MFN1: variants seen among roughly 807,000 people sequenced by gnomAD.
MFN1 encodes mitofusin 1.
Under a neutral mutation model 92.4 loss-of-function variants are expected in MFN1, and 65 were observed. The ratio of observed to expected loss-of-function variants is 0.70; its 90% CI spans 0.58 to 0.86. The LOEUF (loss-of-function observed/expected upper bound fraction) is 0.86. MFN1 is among the 40% of genes least tolerant of loss of function. The pLI is 0.00. For missense variants in MFN1, 781 were observed against 868.0 expected, an observed-to-expected ratio of 0.90 and a Z score of 1.26; for synonymous variants, 297 against 300.9, an observed-to-expected ratio of 0.99 and a Z score of 0.13.
At chr3:179,348,824 T>C in intron 1 of MFN1, 21 bp from the exon 2 acceptor site, 1 of 1,605,474 alleles carries the variant, frequency 6.2e-7, no homozygotes, top group Non-Finnish European at 8.5e-7. Flanking sequence ...TTGGTGCTTT[T>C]CTAACTTTAT....
At chr3:179,348,808 C>G (rs1372239310) in intron 1 of MFN1, 37 bp from the exon 2 acceptor site, 2 of 1,599,560 alleles carry the variant, frequency 1.3e-6, no homozygotes, top group Admixed American at 1.7e-5. Flanking sequence ...CTATCATCCA[C>G]TTTAGTTGGT....
intron 1 of MFN1, 133 bp from the exon 2 acceptor site, chr3:179,348,712 A>C (rs1259630881): frequency 1.5e-6 from 2 of 1,364,352 alleles, no homozygotes; most frequent in African/African-American, 1.4e-5. Flanking sequence ...ACTCCCAAAA[A>C]AGAATTACCT....
intron 2 of MFN1, among the ~76,000 whole-genome samples, chr3:179,349,738 G>C (rs549940916): frequency 2.6e-3 from 400 of 152,094 alleles, no homozygotes; most frequent in Middle Eastern, 3.4e-3. Flanking sequence ...TCGAACTCCT[G>C]ACCCCATGAT....
intron 2 of MFN1, among the ~76,000 whole-genome samples, chr3:179,349,988 C>T (rs1353362518): frequency 1.3e-5 from 2 of 151,904 alleles, no homozygotes; most frequent in Non-Finnish European, 2.9e-5. Context: ...CCTGTCTGTA[C>T]TAAAAATACA....
At chr3:179,351,738 T>TG (rs2108522778) in intron 2 of MFN1, among the ~76,000 whole-genome samples, 162 bp from the exon 3 acceptor site, 1 of 152,344 alleles carries the variant, frequency 6.6e-6, no homozygotes, top group African/African-American at 2.4e-5. Flanking sequence ...GCGGGATTCT[T>TG]GTGACCCATT....
intron 5 of MFN1, among the ~76,000 whole-genome samples, chr3:179,363,851 G>A (rs1475840003): frequency 6.6e-6 from 1 of 152,004 alleles, no homozygotes; most frequent in Non-Finnish European, 1.5e-5. Flanking sequence ...TCATAAATAT[G>A]TATACTTAAT....
intron 14 of MFN1, among the ~76,000 whole-genome samples, chr3:179,381,193 A>C (rs966709685): frequency 1.3e-5 from 2 of 152,264 alleles, no homozygotes; most frequent in Non-Finnish European, 2.9e-5. Context: ...GCATGTATTC[A>C]TAACAGAACA....
chr3:179,367,658 C>T lies in MFN1; in HGVS notation c.907+66C>T. ...ATTTAAAATTGGCTGGGTGCGGTGG[C>T]TCACGCCTGTAATCCCAGCACTTTG... On this transcript the variant is annotated intron_variant, in intron 8 of 17. Coordinates refer to ENST00000471841, the MANE Select transcript of MFN1 (RefSeq NM_033540.3). 2.2e-6 allele frequency: 3 copies of T among 1,387,264 alleles called. No individual in the cohort carries two copies. The South Asian group carries it at 4.2e-5, about 20-fold the overall frequency. 85.9% of individuals were successfully genotyped at this position (1,387,264 alleles called of 1,614,324 possible). A position where few individuals can be genotyped will look rare whatever the true frequency, so the allele number is the denominator to read the frequency against.
intron 13 of MFN1, 56 bp from the exon 14 acceptor site, chr3:179,378,529 T>C: frequency 6.5e-7 from 1 of 1,536,568 alleles, no homozygotes; most frequent in Non-Finnish European, 8.9e-7. Flanking sequence ...GGCATTCCAT[T>C]GAAGGTAAAA....
rs1461933273 is a variant in MFN1, at chr3:179,391,982, A to G, written c.2149A>G (p.Asn717Asp). 8.2e-6 allele frequency: 13 copies of G among 1,590,518 alleles called. No individual in the cohort carries two copies. The highest frequency in any genetic ancestry group is 1.1e-5 in the Non-Finnish European group (13 of 1,159,942). ...KIQNNSKLLR[N>D]KAVQLENELE... ...TTGGTGTTTTATTTTTTTAATTAGA[A>G]ATAAAGCTGTTCAACTTGAAAATGA... is the stretch of plus-strand genomic sequence containing the variant. The change falls in exon 18 of 18, where the codon AAT (asparagine) becomes GAT (aspartate). Residue 717 changes from asparagine to aspartate, a missense_variant and splice_region_variant. Coordinates refer to ENST00000471841, the MANE Select transcript of MFN1 (RefSeq NM_033540.3).
rs562834967 is a variant in MFN1, at chr3:179,385,673, G to A, written c.1767G>A (p.Ala589=). The change falls in exon 15 of 18, where the codon GCG becomes GCA. Residue 589 remains alanine (A), a synonymous_variant. Coordinates refer to ENST00000471841, the MANE Select transcript of MFN1 (RefSeq NM_033540.3). The part of the protein sequence containing the change: ...ELMITLVTGL[A]SVTSRTSMGI... ...TGATTACATTAGTAACAGGATTGGC[G>A]TCCGTTACATCTAGAACTTCTATGG... is the stretch of plus-strand genomic sequence containing the variant. The A allele has an allele frequency of 2.0e-5, 33 of 1,613,772 alleles. No homozygotes were observed. The highest frequency in any genetic ancestry group is 6.6e-5 in the South Asian group (6 of 91,064).
Position 179,386,478 on chromosome 3 carries a change from ATGTATGGAGCTT to A in MFN1, c.1867_1878del (p.Gly623_Tyr626del). On this transcript the variant is annotated inframe_deletion, in exon 16 of 18. Coordinates refer to ENST00000471841, the MANE Select transcript of MFN1 (RefSeq NM_033540.3). Reference sequence around the variant, plus strand: ...GAAACTCCTATCTGTTTCATTAACTATGTATGGAGCTTTGTATCTTTATGAAAGACTGAGCTG... The same window carrying A: ...GAAACTCCTATCTGTTTCATTAACTATGTATCTTTATGAAAGACTGAGCTG... The A allele has an allele frequency of 6.2e-7, 1 of 1,613,780 alleles. No individual in the cohort carries two copies. Among genetic ancestry groups the A allele is most frequent in the Middle Eastern group, 1.7e-4 (1 of 6,054 alleles).
At chr3:179,381,961 C>T (rs144969186) in intron 14 of MFN1, among the ~76,000 whole-genome samples, 51 of 152,308 alleles carry the variant, frequency 3.3e-4, no homozygotes, top group African/African-American at 1.2e-3. Context: ...CTAAAGCTTT[C>T]GTCCAATACT....
In MFN1 at chr3:179,362,397, G is replaced by T. The variant is rs1057461661; in HGVS notation, c.451G>T (p.Asp151Tyr). The change falls in exon 5 of 18, where the codon GAT becomes TAT. Residue 151 changes from aspartate (D) to tyrosine (Y), a missense_variant. By Grantham distance (160) the Asp-to-Tyr change is radical. Coordinates refer to ENST00000471841, the MANE Select transcript of MFN1 (RefSeq NM_033540.3). ...GGCCCATGCCCTTCACATGGACAAA[G>T]ATTTGAAAGCTGGCTGTCTTGTACG... ...QLAHALHMDK[D>Y]LKAGCLVRVF... The T allele has an allele frequency of 3.7e-6, 6 of 1,613,100 alleles. No homozygotes were observed. The highest frequency in any genetic ancestry group is 5.1e-6 in the Non-Finnish European group (6 of 1,179,958).
At chr3:179,351,157 G>T (rs951986878) in intron 2 of MFN1, among the ~76,000 whole-genome samples, 1 of 152,010 alleles carries the variant, frequency 6.6e-6, no homozygotes, top group African/African-American at 2.4e-5. Context: ...TAAACATCAG[G>T]TTATCTCCTA....
At chr3:179,364,695 T>C (rs1348782926) in intron 6 of MFN1, among the ~76,000 whole-genome samples, 1 of 152,160 alleles carries the variant, frequency 6.6e-6, no homozygotes, top group African/African-American at 2.4e-5. Flanking sequence ...CTTATTTAAG[T>C]CTCTTGAATA....
At chr3:179,367,069 C>T (rs762349344) in intron 7 of MFN1, among the ~76,000 whole-genome samples, 3 of 152,112 alleles carry the variant, frequency 2.0e-5, no homozygotes, top group Admixed American at 6.5e-5. Flanking sequence ...CTGGGATTAC[C>T]GGCACCTGCC....
At chr3:179,366,017 G>C (rs1712773565) in intron 7 of MFN1, among the ~76,000 whole-genome samples, 1 of 152,140 alleles carries the variant, frequency 6.6e-6, no homozygotes, top group East Asian at 1.9e-4. Context: ...ATTTTTGTTA[G>C]GTAGTTCTCA....
intron 2 of MFN1, among the ~76,000 whole-genome samples, chr3:179,349,656 C>T (rs919306678): frequency 1.3e-5 from 2 of 151,886 alleles, no homozygotes; most frequent in African/African-American, 2.4e-5. Flanking sequence ...CTACAGTGCA[C>T]GTGCCACCAT....
Sources: gnomAD v4.1 joint callset for allele counts (sites outside exome capture counted in the v4.1 genomes callset) on GRCh38, gnomAD v4.1.1 for gene constraint, MANE v1.5 for transcripts, NCBI Gene and HGNC (gene_info 2026-07-23, HGNC 2026-07-21) for gene names.